Variants in LRRC56 observed in about 807,000 individuals in gnomAD.
The protein encoded by LRRC56 is leucine-rich repeat-containing protein 56.
Under a neutral mutation model 47.8 loss-of-function variants are expected in LRRC56, and 41 were observed. The observed-to-expected ratio is 0.86, with a 90% CI of 0.67 to 1.11. The LOEUF (loss-of-function observed/expected upper bound fraction) is 1.11. Ranked by LOEUF, LRRC56 falls within the 50% of genes most tolerant of loss-of-function variation. The pLI is 0.00. For synonymous variants in LRRC56, 387 were observed against 311.2 expected, an observed-to-expected ratio of 1.24 and a Z score of -2.56; for missense variants, 759 against 704.2, an observed-to-expected ratio of 1.08 and a Z score of -0.88.
chr11:521,688 G>C, the LRRC56 span, among the ~76,000 whole-genome samples: 1 of 152,328 alleles, frequency 6.6e-6, no homozygotes, highest in East Asian at 1.9e-4. Flanking sequence ...ACCGAGGCGG[G>C]CAGATCACGA....
chr11:517,348 G>T, the LRRC56 span, among the ~76,000 whole-genome samples: 14,742 of 135,808 alleles, frequency 0.11, 977 homozygotes, highest in Admixed American at 0.21. Flanking sequence ...CCGGCCGCCC[G>T]GTCTGGGAAG....
chr11:551,445 C>T, intron 9 of LRRC56, 143 bp downstream of exon 9: 1 of 796,076 alleles, frequency 1.3e-6, no homozygotes, highest in South Asian at 1.9e-5. Context: ...GCTGTGCACA[C>T]CCGGCCCCAG....
chr11:507,868 G>A, the LRRC56 span, among the ~76,000 whole-genome samples: 7 of 152,230 alleles, frequency 4.6e-5, no homozygotes, highest in African/African-American at 7.2e-5. Context: ...GGCCTGCGGA[G>A]CCGCGGCCTC....
At chr11:534,340 C>T (rs778954173), upstream of LRRC56, 5 of 1,593,976 alleles carry the variant, frequency 3.1e-6, no homozygotes, top group Admixed American at 3.3e-5. Context: ...CAGGGGCCTG[C>T]GGCCCGGGGT....
At chr11:526,564 A>C in the LRRC56 span, among the ~76,000 whole-genome samples, 1 of 152,230 alleles carries the variant, frequency 6.6e-6, no homozygotes, top group South Asian at 2.1e-4. Flanking sequence ...AGGAGGCTCC[A>C]GTCGTAACAG....
At chr11:511,558 G>A in the LRRC56 span, among the ~76,000 whole-genome samples, 3 of 152,238 alleles carry the variant, frequency 2.0e-5, no homozygotes, top group Non-Finnish European at 1.5e-5. Context: ...TCATGATAGA[G>A]CAGGTTGAGG....
chr11:519,019 G>T, the LRRC56 span, among the ~76,000 whole-genome samples: 3 of 152,340 alleles, frequency 2.0e-5, no homozygotes, highest in East Asian at 1.9e-4. Context: ...CACGGGGGAG[G>T]CTTCTCCGAA....
the LRRC56 span, among the ~76,000 whole-genome samples, chr11:510,615 G>A: frequency 1.3e-5 from 2 of 152,122 alleles, no homozygotes; most frequent in Non-Finnish European, 2.9e-5. Flanking sequence ...GCACATGCCT[G>A]TAATCCCAGC....
At chr11:518,881 G>A in the LRRC56 span, among the ~76,000 whole-genome samples, 14 of 147,498 alleles carry the variant, frequency 9.5e-5, no homozygotes, top group African/African-American at 3.6e-4. Flanking sequence ...GCCCTCTGCC[G>A]GCCGCTCTGA....
At position 552,211 on chromosome 11, in the gene LRRC56, C is replaced by T; in HGVS notation, c.1160C>T (p.Ala387Val). The T allele has an allele frequency of 1.2e-6, 2 of 1,611,880 alleles. No individual in the cohort carries two copies. Among genetic ancestry groups the T allele is most frequent in the Admixed American group, 3.3e-5 (2 of 59,974 alleles). ...SDFLALAGLR[A>V]WREHGVRPLP... ...TTCCTGGCCTTGGCTGGGCTCAGGG[C>T]CTGGAGGGAACATGGCGTGCGGTGG... The change falls in exon 12 of 14, where the codon GCC (alanine) becomes GTC (valine). Residue 387 changes from alanine (A) to valine (V), a missense_variant. Physicochemically the swap from Ala to Val is moderately conservative, Grantham distance 64. Transcript: ENST00000270115.
upstream of LRRC56, chr11:536,937 G>A (rs1851529915): frequency 6.6e-6 from 1 of 152,222 alleles, no homozygotes; most frequent in Admixed American, 6.5e-5. Context: ...GGCTCGGGGC[G>A]GACACGCATG....
intron 5 of LRRC56, 116 bp from the exon 6 acceptor site, chr11:544,604 G>A (rs1170530098): frequency 2.8e-6 from 3 of 1,072,578 alleles, no homozygotes; most frequent in Non-Finnish European, 4.3e-6. Context: ...GGAGGCTTGT[G>A]AGGCTGGCCC....
At position 541,534 on chromosome 11, in the gene LRRC56, C is replaced by T; in HGVS notation, c.178-3C>T. 6 of 1,555,930 alleles carry T rather than the reference C, an allele frequency of 3.9e-6. No individual in the cohort carries two copies. Among genetic ancestry groups the T allele is most frequent in the Non-Finnish European group, 5.2e-6 (6 of 1,148,258 alleles). On this transcript the variant is annotated splice_region_variant and splice_polypyrimidine_tract_variant and intron_variant, in intron 4 of 13. Coordinates refer to ENST00000270115, the MANE Select transcript of LRRC56 (RefSeq NM_198075.4). The surrounding 1 kb of genome is among the most constrained non-coding windows in gnomAD (Gnocchi z 4.1). ...AGCGCTGACCCCCGGTTGGTTTCTACAGCAGGCCCTGGCCCGGGTGGATGA... is the reference window on the plus strand; with the variant it reads ...AGCGCTGACCCCCGGTTGGTTTCTATAGCAGGCCCTGGCCCGGGTGGATGA...
chr11:539,958 C>T (rs1161422513), intron 3 of LRRC56, among the ~76,000 whole-genome samples: 1 of 152,218 alleles, frequency 6.6e-6, no homozygotes. Flanking sequence ...GACTCTCTTC[C>T]TCCTCGCCAG....
the LRRC56 span, among the ~76,000 whole-genome samples, chr11:519,097 G>A: frequency 6.6e-6 from 1 of 151,278 alleles, no homozygotes; most frequent in South Asian, 2.1e-4. Context: ...CTGCTGTCTG[G>A]CTTTTCTCAG....
intron 13 of LRRC56, among the ~76,000 whole-genome samples, chr11:553,362 G>A (rs1023847908): frequency 2.0e-5 from 3 of 152,198 alleles, no homozygotes; most frequent in Non-Finnish European, 4.4e-5. Flanking sequence ...TAAGGGGGCT[G>A]GGATGGGCAG....
At chr11:520,881 A>G in the LRRC56 span, among the ~76,000 whole-genome samples, 1 of 151,968 alleles carries the variant, frequency 6.6e-6, no homozygotes, top group Non-Finnish European at 1.5e-5. Context: ...ATGCGCACCC[A>G]CCCGCCAGCT....
chr11:549,066 C>T (rs928003888), intron 6 of LRRC56, among the ~76,000 whole-genome samples: 8 of 152,166 alleles, frequency 5.3e-5, no homozygotes, highest in African/African-American at 1.7e-4. Flanking sequence ...GACGGACCAC[C>T]GGGAATGCAC....
At chr11:536,175 C>T (rs539576956), upstream of LRRC56, among the ~76,000 whole-genome samples, 24 of 152,364 alleles carry the variant, frequency 1.6e-4, no homozygotes, top group South Asian at 2.3e-3. Flanking sequence ...GGGTTCCGGG[C>T]GGCGGGCGCA....
Sources: gnomAD v4.1 joint callset for allele counts (sites outside exome capture counted in the v4.1 genomes callset) on GRCh38, gnomAD v4.1.1 for gene constraint, Gnocchi (gnomAD v3.1) non-coding constraint, MANE v1.5 for transcripts, NCBI Gene and HGNC (gene_info 2026-07-23, HGNC 2026-07-21) for gene names.